The following ENOSF1 variants were observed in gnomAD, a reference collection of about 807,000 sequenced individuals.
ENOSF1 encodes the protein enolase superfamily member 1, also known as mitochondrial enolase superfamily member 1.
In ENOSF1, 73 loss-of-function variants were observed where a neutral mutation model predicts 68.2. That is an observed-to-expected ratio of 1.07 (90% confidence interval 0.89 to 1.30). The LOEUF is 1.30. ENOSF1 is among the 50% of genes most tolerant of loss of function. ENOSF1 has a pLI of 0.00. For missense variants in ENOSF1, 589 were observed against 554.5 expected (o/e 1.06, Z -0.62); for synonymous variants, 223 against 210.4 (o/e 1.06, Z -0.52).
intron 1 of ENOSF1, among the ~76,000 whole-genome samples, chr18:712,048 G>A (rs1250722937): frequency 6.6e-6 from 1 of 152,192 alleles, no homozygotes; most frequent in Non-Finnish European, 1.5e-5. Flanking sequence ...CTGTGCTCTA[G>A]GGTTTCCACT....
intron 9 of ENOSF1, 56 bp downstream of exon 9, chr18:688,518 C>T (rs2076840642): frequency 1.2e-6 from 2 of 1,612,292 alleles, no homozygotes; most frequent in South Asian, 2.2e-5. Context: ...GAGAGACTTA[C>T]TGCCTGAGTC....
chr18:678,001 A>G, intron 12 of ENOSF1, 129 bp from the exon 13 acceptor site: 6 of 1,162,654 alleles, frequency 5.2e-6, no homozygotes, highest in South Asian at 3.1e-5. Context: ...CCCAGACTGT[A>G]TTTCTTCTTT....
Position 678,719 on chromosome 18 carries a change from T to C in ENOSF1, c.895A>G (p.Ile299Val), listed in dbSNP as rs747134843. The C allele has an allele frequency of 1.2e-6, 2 of 1,614,066 alleles. No homozygotes were observed. Among genetic ancestry groups the C allele is most frequent in the Non-Finnish European group, 8.5e-7 (1 of 1,180,046 alleles). The change falls in exon 12 of 16, where the codon ATT (isoleucine) becomes GTT (valine). Residue 299 changes from isoleucine (I) to valine (V), a missense_variant. By Grantham distance (29) the Ile-to-Val change is conservative. Transcript: ENST00000647584. ...TISKALVPLG[I>V]GIATGEQCHN... ...ACCTGTTCTCCTGTGGCAATGCCAA[T>C]TCCTAATGGGACCAGTGCCTATAAA...
chr18:689,468 G>A (rs537768362), intron 8 of ENOSF1, among the ~76,000 whole-genome samples: 41 of 152,212 alleles, frequency 2.7e-4, no homozygotes, highest in African/African-American at 9.4e-4. Context: ...TTTTAGTAGA[G>A]ACGGGGTTTC....
intron 11 of ENOSF1, among the ~76,000 whole-genome samples, chr18:679,456 G>A (rs113578344): frequency 4.7e-5 from 7 of 150,330 alleles, no homozygotes; most frequent in South Asian, 2.1e-4. Context: ...TGATCCTCCC[G>A]CCTCGGCCTC....
intron 3 of ENOSF1, 137 bp downstream of exon 3, chr18:697,103 T>C: frequency 1.4e-6 from 1 of 699,864 alleles, no homozygotes; most frequent in East Asian, 2.8e-5. Context: ...GGTGACAGAG[T>C]GAGACTCCAT....
At chr18:689,220 CA>C (rs1158236065) in intron 8 of ENOSF1, among the ~76,000 whole-genome samples, 2 of 152,160 alleles carry the variant, frequency 1.3e-5, no homozygotes, top group African/African-American at 4.8e-5. Context: ...CTGCGGTCCA[CA>C]AAATGAATGG....
chr18:675,687 A>G (rs1021465555), intron 14 of ENOSF1: 2 of 294,994 alleles, frequency 6.8e-6, no homozygotes, highest in African/African-American at 2.1e-5. Context: ...CTCTGTAAAT[A>G]TCCAGAATTA....
Position 672,747 on chromosome 18 carries a change from C to A in ENOSF1, c.*1558G>T. ...GCAAGGTATCGACAGGATCATACTC[C>A]TGTAAAATAGAACTTTGTTGATCAC... is the stretch of plus-strand genomic sequence containing the variant. On this transcript the variant is annotated 3_prime_UTR_variant, in exon 16 of 16. Coordinates refer to ENST00000647584, the MANE Select transcript of ENOSF1 (RefSeq NM_017512.7). 1 of 1,244,022 alleles carries A rather than the reference C, an allele frequency of 8.0e-7. No individual in the cohort carries two copies. Among genetic ancestry groups the A allele is most frequent in the Non-Finnish European group, 1.1e-6 (1 of 904,592 alleles). 77.1% of individuals were successfully genotyped at this position (1,244,022 alleles called of 1,614,324 possible).
At chr18:687,144 T>C (rs1019658895) in intron 9 of ENOSF1, 1 of 152,132 alleles carries the variant, frequency 6.6e-6, no homozygotes, top group African/African-American at 2.4e-5. Context: ...CTCATATTAT[T>C]TCTACTGAGA....
chr18:708,965 C>T (rs775570617), intron 1 of ENOSF1, among the ~76,000 whole-genome samples: 75 of 152,142 alleles, frequency 4.9e-4, no homozygotes, highest in Non-Finnish European at 1.0e-3. Flanking sequence ...AAACCTTGCA[C>T]TGAAGCCTCA....
chr18:671,638 G>A lies in ENOSF1; in HGVS notation c.*2667C>T, dbSNP rs1274409208. The A allele has an allele frequency of 1.6e-6, 1 of 620,048 alleles. No individual in the cohort carries two copies. The highest frequency in any genetic ancestry group is 2.8e-6 in the Non-Finnish European group (1 of 352,418). The allele number at this position is 620,048 out of a possible 1,614,324, so 38.4% of individuals were successfully genotyped here. ...GCAGGCATCTGCCTCAGCAACCATG[G>A]GCACTTAACATGTCAGGTGCTGTGA... On this transcript the variant is annotated 3_prime_UTR_variant, in exon 16 of 16. Transcript: ENST00000647584.
At chr18:704,561 A>T (rs933063101) in intron 2 of ENOSF1, among the ~76,000 whole-genome samples, 5 of 150,876 alleles carry the variant, frequency 3.3e-5, no homozygotes, top group African/African-American at 1.2e-4. Flanking sequence ...TACTTCCCCA[A>T]TAAGTTCGTG....
intron 15 of ENOSF1, among the ~76,000 whole-genome samples, chr18:674,840 TAA>T (rs1340327993): frequency 6.6e-6 from 1 of 152,216 alleles, no homozygotes; most frequent in African/African-American, 2.4e-5. Context: ...ATTTTTAAAA[TAA>T]GTTTGGAGAC....
rs983124660 is a variant in ENOSF1 at position 685,963 on chromosome 18, T to G, written c.699A>C (p.Arg233Ser). Reference protein sequence around the residue: ...VGADLQDDMRRCQIIRDMIGP... With the variant: ...VGADLQDDMRSCQIIRDMIGP... The stretch of plus-strand genomic sequence containing the variant: ...CAATCATGTCTCGGATGATTTGGCA[T>G]CTTCGCATGTCATCCTGGAGATCAG... Residue 233 changes from arginine to serine, a missense_variant, in exon 10 of 16, where the codon AGA becomes AGC. Coordinates refer to ENST00000647584, the MANE Select transcript of ENOSF1 (RefSeq NM_017512.7). 14 of 1,614,044 alleles carry G rather than the reference T, an allele frequency of 8.7e-6. No individual in the cohort carries two copies. In the Admixed American group the frequency reaches 1.7e-4, roughly 19 times the overall value.
rs201173362 is a variant in ENOSF1 at position 688,594 on chromosome 18, C to T, written c.633G>A (p.Ala211=). The change falls in exon 9 of 16, where the codon GCG becomes GCA. Residue 211 remains alanine (A), a synonymous_variant. Coordinates refer to ENST00000647584, the MANE Select transcript of ENOSF1 (RefSeq NM_017512.7). ...DDTLKQLCAQ[A]LKDGWTRFKV... is the part of the protein sequence containing the mutation. The stretch of plus-strand genomic sequence containing the variant: ...CTCACCTGGTCCAGCCATCCTTCAG[C>T]GCCTGGGCACAGAGCTGTGGGAAAG... The T allele has an allele frequency of 1.1e-4, 183 of 1,613,976 alleles. No individual in the cohort carries two copies. Among genetic ancestry groups the T allele is most frequent in the Middle Eastern group, 4.9e-4 (3 of 6,084 alleles).
At position 685,872 on chromosome 18, in the gene ENOSF1, A is replaced by C. The variant is rs771465149; in HGVS notation, c.741+49T>G. 2.2e-6 allele frequency: 3 copies of C among 1,347,096 alleles called. No individual in the cohort carries two copies. In the South Asian group the frequency reaches 3.5e-5, roughly 16 times the overall value. 83.4% of individuals were successfully genotyped at this position (1,347,096 alleles called of 1,614,324 possible). A position where few individuals can be genotyped will look rare whatever the true frequency, so the allele number is the denominator to read the frequency against. On this transcript the variant is annotated intron_variant, in intron 10 of 15. Transcript: ENST00000647584. ...TTTAATCTTGAAACGAGTTGTATTT[A>C]GCCCTGGACAAAGGCTACTGCTTCT...
Position 677,729 on chromosome 18 carries a change from T to G in ENOSF1, c.1048+14A>C, listed in dbSNP as rs1436463678. On this transcript the variant is annotated intron_variant, in intron 13 of 15. Coordinates refer to ENST00000647584, the MANE Select transcript of ENOSF1 (RefSeq NM_017512.7). ...AAATGAAGGTCTGGTCTGCAGCCGC[T>G]GCAGCACGCTTACTTTCAAACTTTT... The G allele has an allele frequency of 6.2e-7, 1 of 1,609,848 alleles. No homozygotes were observed. Among genetic ancestry groups the G allele is most frequent in the African/African-American group, 1.3e-5 (1 of 74,772 alleles).
At position 670,995 on chromosome 18, in the gene ENOSF1, A is replaced by C. The variant is rs2612098; in HGVS notation, c.*3310T>G. 570,901 of 1,167,480 alleles carry C rather than the reference A, an allele frequency of 0.49. 143,798 individuals carry two copies. The highest frequency in any genetic ancestry group is 0.78 in the African/African-American group (50,080 of 64,172). 72.3% of individuals were successfully genotyped at this position (1,167,480 alleles called of 1,614,324 possible). On this transcript the variant is annotated 3_prime_UTR_variant, in exon 16 of 16. Coordinates refer to ENST00000647584, the MANE Select transcript of ENOSF1 (RefSeq NM_017512.7). Reference sequence around the variant, plus strand: ...TTAAATTTGATATGTGTAAGTAAGAAATGAACCAGCTTTTACTTTGAAACC... The same window carrying C: ...TTAAATTTGATATGTGTAAGTAAGACATGAACCAGCTTTTACTTTGAAACC...
Sources: gnomAD v4.1 joint callset for allele counts (sites outside exome capture counted in the v4.1 genomes callset) on GRCh38, gnomAD v4.1.1 for gene constraint, MANE v1.5 for transcripts, NCBI Gene and HGNC (gene_info 2026-07-23, HGNC 2026-07-21) for gene names.